ITPR2: variants seen among roughly 807,000 people sequenced by gnomAD.
The protein encoded by ITPR2 is inositol 1,4,5-trisphosphate receptor type 2, also known as inositol 1,4,5-trisphosphate-gated calcium channel ITPR2.
In ITPR2, 207 loss-of-function variants were observed where a neutral mutation model predicts 317.1. The ratio of observed to expected loss-of-function variants is 0.65; its 90% confidence interval spans 0.58 to 0.73. The LOEUF is 0.73. ITPR2 is among the 30% of genes least tolerant of loss of function. ITPR2 has a pLI of 0.00. For missense variants in ITPR2, 2,613 were observed against 3,284.0 expected (o/e 0.80, Z 4.99); for synonymous variants, 1,156 against 1,149.1 (o/e 1.01, Z -0.12).
intron 37 of ITPR2, among the ~76,000 whole-genome samples, chr12:26,510,016 G>C (rs1943294805): frequency 7.0e-6 from 1 of 143,086 alleles, no homozygotes; most frequent in African/African-American, 2.6e-5. Context: ...TGGGGGGTGG[G>C]GGTGGGGAGA....
chr12:26,474,786 T>C (rs1591814323), intron 45 of ITPR2, among the ~76,000 whole-genome samples: 1 of 81,066 alleles, frequency 1.2e-5, no homozygotes, highest in African/African-American at 4.6e-5. Flanking sequence ...AGAGCGAGAC[T>C]CCGTCTCAAA....
At chr12:26,800,121 C>A (rs1950529327) in intron 1 of ITPR2, among the ~76,000 whole-genome samples, 1 of 152,146 alleles carries the variant, frequency 6.6e-6, no homozygotes, top group African/African-American at 2.4e-5. Context: ...CCTCCCCCAC[C>A]CCAGGTTTCT....
intron 37 of ITPR2, among the ~76,000 whole-genome samples, chr12:26,506,130 A>T (rs966503118): frequency 6.6e-6 from 1 of 151,852 alleles, no homozygotes; most frequent in Non-Finnish European, 1.5e-5. Context: ...GCACTTTAGG[A>T]GGCCAAGGCA....
At chr12:26,643,846 T>C (rs1360766103) in intron 21 of ITPR2, among the ~76,000 whole-genome samples, 1 of 152,136 alleles carries the variant, frequency 6.6e-6, no homozygotes, top group African/African-American at 2.4e-5. Flanking sequence ...GCCTTAAAGA[T>C]GGAATTGCTA....
At chr12:26,709,624 T>C (rs1021753007) in intron 9 of ITPR2, among the ~76,000 whole-genome samples, 2 of 152,330 alleles carry the variant, frequency 1.3e-5, no homozygotes, top group South Asian at 2.1e-4. Context: ...GTAATATACA[T>C]GTACATCATG....
At chr12:26,589,713 G>T (rs1440213905) in intron 32 of ITPR2, among the ~76,000 whole-genome samples, 3 of 148,370 alleles carry the variant, frequency 2.0e-5, no homozygotes, top group African/African-American at 7.5e-5. Context: ...CTTGAAACTG[G>T]AAGACAGAGG....
At chr12:26,721,583 A>T (rs7956312) in intron 5 of ITPR2, among the ~76,000 whole-genome samples, 16,015 of 152,172 alleles carry the variant, frequency 0.11, 2,322 homozygotes, top group African/African-American at 0.33. Flanking sequence ...TTCAGCGCTC[A>T]GTGTCTAGCA....
intron 54 of ITPR2, 139 bp downstream of exon 54, chr12:26,398,737 C>CAGTT (rs1317150491): frequency 1.5e-6 from 1 of 653,176 alleles, no homozygotes; most frequent in African/African-American, 1.9e-5. Context: ...GTCTAATGCT[C>CAGTT]AGTTACATAA....
intron 37 of ITPR2, among the ~76,000 whole-genome samples, chr12:26,534,194 T>G (rs1025177059): frequency 1.3e-5 from 2 of 152,228 alleles, no homozygotes; most frequent in African/African-American, 4.8e-5. Context: ...TTTTGTAATA[T>G]TCCCTTTTCT....
In ITPR2 at chr12:26,565,706, G is replaced by A. The variant is rs548027326; in HGVS notation, c.4631-3754C>T. On this transcript the variant is annotated intron_variant, in intron 34 of 56. Coordinates refer to ENST00000381340, the MANE Select transcript of ITPR2 (RefSeq NM_002223.4). ...TAGCCTCAGCTATTCAGGAGGCTGAGTCAGGTGGATCACTTGAGTCCAGGA... is the reference window on the plus strand; with the variant it reads ...TAGCCTCAGCTATTCAGGAGGCTGAATCAGGTGGATCACTTGAGTCCAGGA... 2.3e-3 allele frequency among the ~76,000 whole-genome samples: 348 copies of A among 151,642 alleles called. 1 individual carries two copies. Among genetic ancestry groups the A allele is most frequent in the Non-Finnish European group, 3.0e-3 (207 of 68,002 alleles).
chr12:26,508,350 C>A (rs1260484429), intron 37 of ITPR2, among the ~76,000 whole-genome samples: 1 of 152,106 alleles, frequency 6.6e-6, no homozygotes, highest in Non-Finnish European at 1.5e-5. Context: ...CACTATTATA[C>A]CTGTTTTCTA....
intron 55 of ITPR2, among the ~76,000 whole-genome samples, chr12:26,347,016 C>T (rs1938332911): frequency 6.6e-6 from 1 of 152,160 alleles, no homozygotes; most frequent in Non-Finnish European, 1.5e-5. Context: ...AGCCCACACC[C>T]AGTATACTGC....
chr12:26,390,452 C>T (rs1408447976), intron 54 of ITPR2, among the ~76,000 whole-genome samples: 2 of 152,134 alleles, frequency 1.3e-5, no homozygotes, highest in East Asian at 3.8e-4. Context: ...ATACCTGCTA[C>T]AACATGAACC....
At position 26,682,960 on chromosome 12, in the gene ITPR2, G is replaced by C. The variant is rs76440473; in HGVS notation, c.1149-287C>G. 3.1e-3 allele frequency among the ~76,000 whole-genome samples: 474 copies of C among 152,312 alleles called. 1 individual carries two copies. Among genetic ancestry groups the C allele is most frequent in the African/African-American group, 0.01 (433 of 41,578 alleles). ...TTCTGAAACTTCATCCCCATCGACT[G>C]AATCAGAAACTTTGGGGGTGTGGCC... On this transcript the variant is annotated intron_variant, in intron 11 of 56. Coordinates refer to ENST00000381340, the MANE Select transcript of ITPR2 (RefSeq NM_002223.4).
intron 55 of ITPR2, among the ~76,000 whole-genome samples, chr12:26,373,442 C>T (rs1384644511): frequency 6.6e-6 from 1 of 152,218 alleles, no homozygotes; most frequent in Non-Finnish European, 1.5e-5. Flanking sequence ...TGAAAAGTTA[C>T]AGGTACCTTT....
intron 21 of ITPR2, among the ~76,000 whole-genome samples, chr12:26,647,485 T>C (rs1246145005): frequency 6.6e-6 from 1 of 152,224 alleles, no homozygotes; most frequent in African/African-American, 2.4e-5. Flanking sequence ...CTTTAGCAAG[T>C]ATAAAACAGA....
chr12:26,552,113 G>A (rs1177188307), intron 36 of ITPR2, among the ~76,000 whole-genome samples: 2 of 152,148 alleles, frequency 1.3e-5, no homozygotes, highest in East Asian at 3.9e-4. Context: ...ATGACATGTG[G>A]GAAGTGGAAG....
chr12:26,609,629 TAA>T (rs11375315), intron 26 of ITPR2, among the ~76,000 whole-genome samples: 1 of 148,644 alleles, frequency 6.7e-6, no homozygotes, highest in Admixed American at 6.7e-5. Flanking sequence ...ATGGAAAAGT[TAA>T]AAAAAAAAGA....
chr12:26,597,874 G>C (rs1028769971), intron 30 of ITPR2, among the ~76,000 whole-genome samples: 4 of 152,002 alleles, frequency 2.6e-5, no homozygotes, highest in Non-Finnish European at 4.4e-5. Context: ...GGGTAACTAA[G>C]GACATACAAT....
Sources: gnomAD v4.1 joint callset for allele counts (sites outside exome capture counted in the v4.1 genomes callset) on GRCh38, gnomAD v4.1.1 for gene constraint, MANE v1.5 for transcripts, NCBI Gene and HGNC (gene_info 2026-07-23, HGNC 2026-07-21) for gene names.